The following RTRAF variants were observed in gnomAD, a reference collection of about 807,000 sequenced individuals.
The protein encoded by RTRAF is RNA transcription, translation and transport factor, also known as tRNA-splicing ligase complex subunit RTRAF.
RTRAF carries 14 observed loss-of-function variants against 34.4 expected under a neutral mutation model. The observed-to-expected ratio is 0.41, with a 90% CI of 0.27 to 0.64. The LOEUF is 0.64. RTRAF is among the 30% of genes least tolerant of loss of function. The pLI, the probability that RTRAF is intolerant of heterozygous loss-of-function variation, is 0.34. For synonymous variants in RTRAF, 96 were observed against 95.3 expected, an observed-to-expected ratio of 1.01 and a Z score of -0.04; for missense variants, 291 against 288.4, an observed-to-expected ratio of 1.01 and a Z score of -0.06.
In RTRAF at chr14:52,006,031, G is replaced by A; in HGVS notation, c.*1515G>A. Reference sequence around the variant, plus strand: ...GCTCTAAATCCATTGCTCATCTCTAGCTGCATGTTAGAATCACATGATGAG... The same window carrying A: ...GCTCTAAATCCATTGCTCATCTCTAACTGCATGTTAGAATCACATGATGAG... On this transcript the variant is annotated 3_prime_UTR_variant, in exon 8 of 8. Transcript: ENST00000261700. The A allele has an allele frequency of 3.6e-6, 2 of 555,396 alleles. No individual in the cohort carries two copies. Among genetic ancestry groups the A allele is most frequent in the East Asian group, 5.8e-5 (2 of 34,202 alleles). The allele number at this position is 555,396 out of a possible 1,614,324, so 34.4% of individuals were successfully genotyped here.
At position 52,006,710 on chromosome 14, in the gene RTRAF, A is replaced by ATGAT. The variant is rs1566738095; in HGVS notation, c.*2195_*2198dup. The stretch of plus-strand genomic sequence containing the variant: ...AGGTCCTTCAGCTGCTTTGCCAAAA[A>ATGAT]TGATAGTGACATAGTGATAGTGACA... On this transcript the variant is annotated 3_prime_UTR_variant, in exon 8 of 8. Coordinates refer to ENST00000261700, the MANE Select transcript of RTRAF (RefSeq NM_016039.3). 2 of 1,603,590 alleles carry ATGAT rather than the reference A, an allele frequency of 1.2e-6. No homozygotes were observed. Among genetic ancestry groups the ATGAT allele is most frequent in the Non-Finnish European group, 8.5e-7 (1 of 1,171,938 alleles).
In RTRAF at chr14:52,007,635, C is replaced by G; in HGVS notation, c.*3119C>G. 1.5e-6 allele frequency: 1 copy of G among 646,110 alleles called. No homozygotes were observed. The highest frequency in any genetic ancestry group is 2.7e-6 in the Non-Finnish European group (1 of 372,526). The allele number at this position is 646,110 out of a possible 1,614,324, so 40.0% of individuals were successfully genotyped here. A position where few individuals can be genotyped will look rare whatever the true frequency, so the allele number is the denominator to read the frequency against. ...TATATCCTTCCCTCCACCCAAACCC[C>G]AGAAAGTTCATTTTAAGACTCATTT... is the stretch of plus-strand genomic sequence containing the variant. On this transcript the variant is annotated 3_prime_UTR_variant, in exon 8 of 8. Coordinates refer to ENST00000261700, the MANE Select transcript of RTRAF (RefSeq NM_016039.3).
At chr14:51,999,819 T>C (rs779000397) in intron 5 of RTRAF, 23 bp downstream of exon 5, 2 of 1,540,250 alleles carry the variant, frequency 1.3e-6, no homozygotes, top group Admixed American at 3.4e-5. Context: ...TTCTTGATTC[T>C]TGACAGAAAC....
Position 52,004,769 on chromosome 14 carries a change from A to AG in RTRAF, c.*254dup. ...GGTTAAGGCATATATGCCAACCCCC[A>AG]GCTTTGTCCTAGAGACAATATAGAT... On this transcript the variant is annotated 3_prime_UTR_variant, in exon 8 of 8. Coordinates refer to ENST00000261700, the MANE Select transcript of RTRAF (RefSeq NM_016039.3). 2.9e-6 allele frequency: 1 copy of AG among 347,668 alleles called. No homozygotes were observed. Among genetic ancestry groups the AG allele is most frequent in the African/African-American group, 2.1e-5 (1 of 47,302 alleles). The allele number at this position is 347,668 out of a possible 1,614,324, so 21.5% of individuals were successfully genotyped here. A position where few individuals can be genotyped will look rare whatever the true frequency, so the allele number is the denominator to read the frequency against.
intron 6 of RTRAF, among the ~76,000 whole-genome samples, chr14:52,003,760 G>T (rs1461648462): frequency 6.6e-6 from 1 of 152,106 alleles, no homozygotes; most frequent in African/African-American, 2.4e-5. Context: ...TGAAAGGTTC[G>T]TACAATTTGT....
Position 52,005,878 on chromosome 14 carries a change from G to GGGACAGTCATTTACTAGATAAAGAAGT in RTRAF, c.*1363_*1389dup, listed in dbSNP as rs746316998. The GGGACAGTCATTTACTAGATAAAGAAGT allele has an allele frequency of 6.6e-7, 1 of 1,507,078 alleles. No homozygotes were observed. Among genetic ancestry groups the GGGACAGTCATTTACTAGATAAAGAAGT allele is most frequent in the Non-Finnish European group, 9.2e-7 (1 of 1,086,944 alleles). The allele number at this position is 1,507,078 out of a possible 1,614,324, so 93.4% of individuals were successfully genotyped here. ...GTAACAGAAAGGAAGAGTGAATTCA[G>GGGACAGTCATTTACTAGATAAAGAAGT]GGACAGTCATTTACTAGATAAAGAA... On this transcript the variant is annotated 3_prime_UTR_variant, in exon 8 of 8. Transcript: ENST00000261700.
Position 52,004,413 on chromosome 14 carries a change from A to C in RTRAF, c.632A>C (p.Glu211Ala), listed in dbSNP as rs1333572718. 1 of 1,613,996 alleles carries C rather than the reference A, an allele frequency of 6.2e-7. No homozygotes were observed. The highest frequency in any genetic ancestry group is 1.1e-5 in the South Asian group (1 of 91,070). The change falls in exon 8 of 8, where the codon GAG (glutamate) becomes GCG (alanine). Residue 211 changes from glutamate to alanine, a missense_variant. Transcript: ENST00000261700. ...AQILRLLHIEELRELQTKINE... is the reference protein window; with the variant it reads ...AQILRLLHIEALRELQTKINE... ...ATTCTGCGATTGCTGCACATAGAGG[A>C]GCTCAGAGAGCTACAGACAAAAATC...
Position 52,004,567 on chromosome 14 carries a change from C to CACTTCTGGCATG in RTRAF, c.*52_*63dup. 6.7e-7 allele frequency: 1 copy of CACTTCTGGCATG among 1,493,594 alleles called. No individual in the cohort carries two copies. The highest frequency in any genetic ancestry group is 9.0e-7 in the Non-Finnish European group (1 of 1,112,268). 92.5% of individuals were successfully genotyped at this position (1,493,594 alleles called of 1,614,324 possible). A position where few individuals can be genotyped will look rare whatever the true frequency, so the allele number is the denominator to read the frequency against. ...CTACTTAGTACAGTTGGGAACCATA[C>CACTTCTGGCATG]ACTTCTGGCATGTTTGGAAATCAAA... On this transcript the variant is annotated 3_prime_UTR_variant, in exon 8 of 8. Coordinates refer to ENST00000261700, the MANE Select transcript of RTRAF (RefSeq NM_016039.3).
intron 3 of RTRAF, 78 bp from the exon 4 acceptor site, chr14:51,998,416 G>C: frequency 1.3e-6 from 1 of 769,018 alleles, no homozygotes. Flanking sequence ...TTTTGGCTCA[G>C]TTAAATTTGG....
In RTRAF at chr14:52,007,609, A is replaced by T; in HGVS notation, c.*3093A>T. On this transcript the variant is annotated 3_prime_UTR_variant, in exon 8 of 8. Transcript: ENST00000261700. ...GCAAGCAGTACAAACTTACTGCTTGATATATCCTTCCCTCCACCCAAACCC... is the reference window on the plus strand; with the variant it reads ...GCAAGCAGTACAAACTTACTGCTTGTTATATCCTTCCCTCCACCCAAACCC... 1.7e-6 allele frequency: 1 copy of T among 575,860 alleles called. No individual in the cohort carries two copies. The highest frequency in any genetic ancestry group is 3.1e-6 in the Non-Finnish European group (1 of 326,890). The allele number at this position is 575,860 out of a possible 1,614,324, so 35.7% of individuals were successfully genotyped here.
Position 52,005,637 on chromosome 14 carries a change from A to C in RTRAF, c.*1121A>C, listed in dbSNP as rs371454099. On this transcript the variant is annotated 3_prime_UTR_variant, in exon 8 of 8. Transcript: ENST00000261700. The stretch of plus-strand genomic sequence containing the variant: ...CTGGCCCTCAGGGCAGGAAGAAGGC[A>C]ATGGTGGCAGTGTCACAGGCAGCAG... 1.5e-5 allele frequency: 20 copies of C among 1,371,794 alleles called. No individual in the cohort carries two copies. The African/African-American group carries it at 2.6e-4, about 18-fold the overall frequency. 85.0% of individuals were successfully genotyped at this position (1,371,794 alleles called of 1,614,324 possible).
In RTRAF at chr14:52,008,045, T is replaced by G. The variant is rs918430095; in HGVS notation, c.*3529T>G. 1 of 1,151,962 alleles carries G rather than the reference T, an allele frequency of 8.7e-7. No homozygotes were observed. Among genetic ancestry groups the G allele is most frequent in the African/African-American group, 1.6e-5 (1 of 64,402 alleles). The allele number at this position is 1,151,962 out of a possible 1,614,324, so 71.4% of individuals were successfully genotyped here. The stretch of plus-strand genomic sequence containing the variant: ...GCAGCATCTAAGCAGCCCCCAGTGA[T>G]CTCCATCTCCTCATGTATTATAGCC... On this transcript the variant is annotated 3_prime_UTR_variant, in exon 8 of 8. Coordinates refer to ENST00000261700, the MANE Select transcript of RTRAF (RefSeq NM_016039.3).
Position 52,006,722 on chromosome 14 carries a change from T to TAGTGATAGTGACAC in RTRAF, c.*2215_*2228dup. ...TGCTTTGCCAAAAATGATAGTGACA[T>TAGTGATAGTGACAC]AGTGATAGTGACACAGTGATAGAAT... On this transcript the variant is annotated 3_prime_UTR_variant, in exon 8 of 8. Transcript: ENST00000261700. 1 of 1,557,660 alleles carries TAGTGATAGTGACAC rather than the reference T, an allele frequency of 6.4e-7. No homozygotes were observed. Among genetic ancestry groups the TAGTGATAGTGACAC allele is most frequent in the South Asian group, 1.1e-5 (1 of 88,900 alleles).
At chr14:51,999,027 C>G (rs1439497964) in intron 4 of RTRAF, among the ~76,000 whole-genome samples, 2 of 151,846 alleles carry the variant, frequency 1.3e-5, no homozygotes, top group African/African-American at 4.8e-5. Flanking sequence ...TCATTGTGAC[C>G]TATAATTTAG....
Position 51,991,312 on chromosome 14 carries a change from T to C in RTRAF, c.62-5T>C. The stretch of plus-strand genomic sequence containing the variant: ...TAGTTATTTATGTGATATTTTTTAT[T>C]GCAGATGAAACAGAATTTAGAAACT... On this transcript the variant is annotated splice_polypyrimidine_tract_variant and splice_region_variant and intron_variant, in intron 1 of 7. Transcript: ENST00000261700. The C allele has an allele frequency of 1.2e-6, 2 of 1,612,336 alleles. No individual in the cohort carries two copies. The highest frequency in any genetic ancestry group is 1.7e-6 in the Non-Finnish European group (2 of 1,178,782).
At chr14:52,000,395 A>G (rs1438723414) in intron 5 of RTRAF, among the ~76,000 whole-genome samples, 2 of 152,166 alleles carry the variant, frequency 1.3e-5, no homozygotes, top group Non-Finnish European at 2.9e-5. Flanking sequence ...TGTTTCTGAG[A>G]GAAATCATAA....
Position 52,004,342 on chromosome 14 carries a change from GTTCTT to G in RTRAF, c.581-15_581-11del. The G allele has an allele frequency of 1.2e-6, 2 of 1,612,278 alleles. No individual in the cohort carries two copies. The highest frequency in any genetic ancestry group is 3.3e-5 in the Admixed American group (2 of 59,712). Reference sequence around the variant, plus strand: ...TGTAAAAATTATGTATTGAAGCAGTGTTCTTTTCTCATAAAACAGATGCAGTTCTT... The same window carrying G: ...TGTAAAAATTATGTATTGAAGCAGTGTTCTCATAAAACAGATGCAGTTCTT... On this transcript the variant is annotated splice_polypyrimidine_tract_variant and intron_variant, in intron 7 of 7. Transcript: ENST00000261700.
rs1044318452 is a variant in RTRAF at position 52,004,684 on chromosome 14, T to C, written c.*168T>C. The C allele has an allele frequency of 3.3e-6, 2 of 612,122 alleles. No individual in the cohort carries two copies. Among genetic ancestry groups the C allele is most frequent in the Non-Finnish European group, 5.4e-6 (2 of 371,254 alleles). The allele number at this position is 612,122 out of a possible 1,614,324, so 37.9% of individuals were successfully genotyped here. On this transcript the variant is annotated 3_prime_UTR_variant, in exon 8 of 8. Transcript: ENST00000261700. The stretch of plus-strand genomic sequence containing the variant: ...TATTGCTTTTTTCTTTAATAAAGTT[T>C]AGGAAAGTAGAATTTTTATTATGTA...
chr14:52,004,595 G>A lies in RTRAF; in HGVS notation c.*79G>A, dbSNP rs1890681321. The stretch of plus-strand genomic sequence containing the variant: ...TTCTGGCATGTTTGGAAATCAAAAT[G>A]TCACATTCTCGGGGGAGGAAGCCCA... On this transcript the variant is annotated 3_prime_UTR_variant, in exon 8 of 8. Coordinates refer to ENST00000261700, the MANE Select transcript of RTRAF (RefSeq NM_016039.3). 1.4e-6 allele frequency: 2 copies of A among 1,399,990 alleles called. No homozygotes were observed. Among genetic ancestry groups the A allele is most frequent in the Non-Finnish European group, 1.9e-6 (2 of 1,041,872 alleles). The allele number at this position is 1,399,990 out of a possible 1,614,324, so 86.7% of individuals were successfully genotyped here.
Sources: allele counts gnomAD v4.1 joint callset (sites outside exome capture counted in the v4.1 genomes callset), GRCh38; gene constraint gnomAD v4.1.1; transcripts MANE v1.5; gene names NCBI Gene and HGNC (gene_info 2026-07-23, HGNC 2026-07-21).